PYCR3: variants seen among roughly 807,000 people sequenced by gnomAD.
PYCR3 encodes the protein P5C reductase 3.
PYCR3 carries 26 observed loss-of-function variants against 23.4 expected under a neutral mutation model. The ratio of observed to expected loss-of-function variants is 1.11; its 90% CI spans 0.81 to 1.54. The LOEUF (loss-of-function observed/expected upper bound fraction) is 1.54. Among genes scored for constraint, PYCR3 ranks in the 40% most tolerant of loss-of-function variants. The pLI is 0.00. For missense variants in PYCR3, 360 were observed against 376.3 expected (o/e 0.96, Z 0.36); for synonymous variants, 194 against 162.6 (o/e 1.19, Z -1.47).
At position 143,606,627 on chromosome 8, in the gene PYCR3, A is replaced by G. The variant is rs372787521; in HGVS notation, c.389T>C (p.Val130Ala). The change falls in exon 4 of 6, where the codon GTG (valine) becomes GCG (alanine). Residue 130 changes from valine to alanine, a missense_variant. Coordinates refer to ENST00000495276, the MANE Select transcript of PYCR3 (RefSeq NM_023078.6). ...CATCACTATGGCCCCTTCCTGGACC[A>G]CACAGGGCAGGTTGGGCAAGACCCG... The part of the protein sequence containing the change: ...VLRVLPNLPC[V>A]VQEGAIVMAR... 2.5e-6 allele frequency: 4 copies of G among 1,609,662 alleles called. No homozygotes were observed. The South Asian group carries it at 3.3e-5, about 13-fold the overall frequency.
chr8:143,608,500 T>G (rs1038872635), intron 1 of PYCR3: 7 of 341,816 alleles, frequency 2.0e-5, no homozygotes, highest in Non-Finnish European at 5.6e-6. Flanking sequence ...GGCAGTTGAT[T>G]GGCCACAGAA....
intron 3 of PYCR3, 123 bp downstream of exon 3, chr8:143,606,830 C>A: frequency 7.3e-7 from 1 of 1,365,526 alleles, no homozygotes; most frequent in Admixed American, 2.3e-5. Context: ...ACCCTAAATC[C>A]AGCCACTTGA....
chr8:143,609,016 C>T (rs534628464), intron 1 of PYCR3: 4 of 422,570 alleles, frequency 9.5e-6, no homozygotes, highest in East Asian at 6.7e-5. Context: ...ATGATTTTGC[C>T]TGTCTCCTCC....
In PYCR3 at chr8:143,606,181, GGGATA is replaced by G. The variant is rs779401388; in HGVS notation, c.550-32_550-28del. On this transcript the variant is annotated intron_variant, in intron 4 of 5. Transcript: ENST00000495276. ...TGTAGCCGCGGCATGGTGGTTGGGG[GGGATA>G]GGTGTCAAAGCCTGGGGGCTCAGGA... The G allele has an allele frequency of 3.2e-6, 5 of 1,582,906 alleles. No homozygotes were observed. The East Asian group carries it at 1.1e-4, about 36-fold the overall frequency.
intron 2 of PYCR3, among the ~76,000 whole-genome samples, chr8:143,607,533 C>T (rs377183186): frequency 3.3e-5 from 5 of 152,212 alleles, no homozygotes; most frequent in East Asian, 1.9e-4. Flanking sequence ...CACACCCACT[C>T]GAGCATGCAC....
At position 143,606,435 on chromosome 8, in the gene PYCR3, G is replaced by C. The variant is rs564801899; in HGVS notation, c.549+32C>G. On this transcript the variant is annotated intron_variant, in intron 4 of 5. Transcript: ENST00000495276. Reference sequence around the variant, plus strand: ...GGGGTGGGCCCCCTCTTTGCCGAGGGTGGGGCCGGGGATGGACGAGGCAAT... The same window carrying C: ...GGGGTGGGCCCCCTCTTTGCCGAGGCTGGGGCCGGGGATGGACGAGGCAAT... 233 of 1,605,596 alleles carry C rather than the reference G, an allele frequency of 1.5e-4. 3 individuals carry two copies. In the South Asian group the frequency reaches 2.5e-3, roughly 17 times the overall value.
At chr8:143,607,784 C>G (rs183156950) in intron 2 of PYCR3, among the ~76,000 whole-genome samples, 1 of 152,126 alleles carries the variant, frequency 6.6e-6, no homozygotes, top group East Asian at 1.9e-4. Context: ...CACATGCACA[C>G]GCATAGCCTC....
In PYCR3 at chr8:143,606,599, C is replaced by T. The variant is rs758907888; in HGVS notation, c.417G>A (p.Ala139=). 2.0e-5 allele frequency: 32 copies of T among 1,611,740 alleles called. No individual in the cohort carries two copies. Among genetic ancestry groups the T allele is most frequent in the Middle Eastern group, 1.6e-4 (1 of 6,074 alleles). ...CVVQEGAIVM[A]RGRHVGSSET... ...CGCTGCTCCCCACGTGGCGGCCCCGCGCCATCACTATGGCCCCTTCCTGGA... is the reference window on the plus strand; with the variant it reads ...CGCTGCTCCCCACGTGGCGGCCCCGTGCCATCACTATGGCCCCTTCCTGGA... Residue 139 remains alanine (A), a synonymous_variant, in exon 4 of 6, where the codon GCG becomes GCA. Transcript: ENST00000495276.
intron 5 of PYCR3, 67 bp from the exon 6 acceptor site, chr8:143,605,949 C>T (rs1444514233): frequency 6.4e-6 from 10 of 1,564,644 alleles, no homozygotes; most frequent in Admixed American, 1.7e-5. Flanking sequence ...GGCCTGCCCT[C>T]GTTGCATCCC....
Position 143,605,887 on chromosome 8 carries a change from G to T in PYCR3, c.643-5C>A. On this transcript the variant is annotated splice_region_variant and splice_polypyrimidine_tract_variant and intron_variant, in intron 5 of 5. Transcript: ENST00000495276. ...CAGCAGCATCTTGGCCGTCCCCTGAGGAGAGCGTTAGGGCCTGGTGACGGG... is the reference window on the plus strand; with the variant it reads ...CAGCAGCATCTTGGCCGTCCCCTGATGAGAGCGTTAGGGCCTGGTGACGGG... The T allele has an allele frequency of 6.2e-7, 1 of 1,601,468 alleles. No homozygotes were observed.
Position 143,609,570 on chromosome 8 carries a change from G to A in PYCR3, c.-22C>T. 6.8e-7 allele frequency: 1 copy of A among 1,480,318 alleles called. No homozygotes were observed. The highest frequency in any genetic ancestry group is 8.9e-7 in the Non-Finnish European group (1 of 1,123,068). 91.7% of individuals were successfully genotyped at this position (1,480,318 alleles called of 1,614,324 possible). A position where few individuals can be genotyped will look rare whatever the true frequency, so the allele number is the denominator to read the frequency against. ...CCATCTTGTTGCCTCGGACGCCGCT[G>A]CGCTCACCGCCCATCCACAGGCCGC... On this transcript the variant is annotated 5_prime_UTR_variant, in exon 1 of 6. Transcript: ENST00000495276.
At chr8:143,606,175 T>C in intron 4 of PYCR3, 21 bp from the exon 5 acceptor site, 3 of 1,586,068 alleles carry the variant, frequency 1.9e-6, no homozygotes, top group Non-Finnish European at 2.6e-6. Context: ...GGCATGGTGG[T>C]TGGGGGGGAT....
chr8:143,606,084 CG>C lies in PYCR3; in HGVS notation c.619del (p.Arg207AlafsTer52). ...CACCAGCAGGGTCTGGGCAGCGATGCGGTGGGCCAGGCTGCTGGGCATGCCC... is the reference window on the plus strand; with the variant it reads ...CACCAGCAGGGTCTGGGCAGCGATGCGTGGGCCAGGCTGCTGGGCATGCCC... Reference protein sequence around the residue: ...KMGMPSSLAHRIAAQTLLGTA... With the variant: ...KMGMPSSLAHXIAAQTLLGTA... On this transcript the variant is annotated frameshift_variant, in exon 5 of 6. Coordinates refer to ENST00000495276, the MANE Select transcript of PYCR3 (RefSeq NM_023078.6). LOFTEE classifies it high-confidence loss of function. 6.2e-7 allele frequency: 1 copy of C among 1,609,610 alleles called. No individual in the cohort carries two copies. The highest frequency in any genetic ancestry group is 1.3e-5 in the African/African-American group (1 of 75,034).
At position 143,606,661 on chromosome 8, in the gene PYCR3, G is replaced by A. The variant is rs776301894; in HGVS notation, c.355C>T (p.Arg119Trp). The A allele has an allele frequency of 1.5e-5, 24 of 1,597,598 alleles. No homozygotes were observed. The highest frequency in any genetic ancestry group is 4.0e-5 in the African/African-American group (3 of 74,610). Residue 119 changes from arginine (R) to tryptophan (W), a missense_variant, in exon 4 of 6, where the codon CGG becomes TGG. Transcript: ENST00000495276. The stretch of plus-strand genomic sequence containing the variant: ...AGGTTGGGCAAGACCCGCAGCACCC[G>A]TGTGTTTGGGGGCAGCAGCTGGCCA... ...TLEELLPPNT[R>W]VLRVLPNLPC...
intron 4 of PYCR3, 29 bp from the exon 5 acceptor site, chr8:143,606,183 G>A (rs1006688983): frequency 3.8e-6 from 6 of 1,577,148 alleles, no homozygotes; most frequent in African/African-American, 1.3e-5. Context: ...GGTTGGGGGG[G>A]ATAGGTGTCA....
intron 1 of PYCR3, chr8:143,608,544 G>T (rs891093759): frequency 3.2e-6 from 1 of 312,488 alleles, no homozygotes; most frequent in Non-Finnish European, 6.2e-6. Context: ...TCGAGAGGGA[G>T]AGTCTATGCT....
Position 143,609,440 on chromosome 8 carries a change from AG to A in PYCR3, c.91+17del, listed in dbSNP as rs1283438672. 1 of 1,492,318 alleles carries A rather than the reference AG, an allele frequency of 6.7e-7. No homozygotes were observed. Among genetic ancestry groups the A allele is most frequent in the East Asian group, 2.8e-5 (1 of 36,208 alleles). The allele number at this position is 1,492,318 out of a possible 1,614,324, so 92.4% of individuals were successfully genotyped here. ...TGCTCCCACTCCAGACCGCAGGCCT[AG>A]CCCCGCGCCGCCCCACCTGCTCTGA... On this transcript the variant is annotated intron_variant, in intron 1 of 5. Transcript: ENST00000495276.
In PYCR3 at chr8:143,608,277, C is replaced by G. The variant is rs979379424; in HGVS notation, c.92-151G>C. On this transcript the variant is annotated intron_variant, in intron 1 of 5. Coordinates refer to ENST00000495276, the MANE Select transcript of PYCR3 (RefSeq NM_023078.6). ...CCCCAGGAACCCAAAGCGGGATGCA[C>G]CATTCACTGGGCCCAGGCAATCAGA... 6.5e-6 allele frequency: 4 copies of G among 617,164 alleles called. No homozygotes were observed. In the Admixed American group the frequency reaches 8.7e-5, roughly 13 times the overall value. The allele number at this position is 617,164 out of a possible 1,614,324, so 38.2% of individuals were successfully genotyped here. A position where few individuals can be genotyped will look rare whatever the true frequency, so the allele number is the denominator to read the frequency against.
intron 5 of PYCR3, 54 bp from the exon 6 acceptor site, chr8:143,605,936 T>C (rs1829384417): frequency 6.4e-7 from 1 of 1,573,906 alleles, no homozygotes; most frequent in Non-Finnish European, 8.7e-7. Flanking sequence ...GTCCCCACTG[T>C]GCGGCCTGCC....
Sources: gnomAD v4.1 joint callset for allele counts (sites outside exome capture counted in the v4.1 genomes callset) on GRCh38, gnomAD v4.1.1 for gene constraint, MANE v1.5 for transcripts, NCBI Gene and HGNC (gene_info 2026-07-23, HGNC 2026-07-21) for gene names.